USH1C: variants seen among roughly 807,000 people sequenced by gnomAD.
USH1C encodes the protein harmonin.
USH1C carries 90 observed loss-of-function variants against 119.3 expected under a neutral mutation model. The ratio of observed to expected loss-of-function variants is 0.75; its 90% CI spans 0.64 to 0.90. The LOEUF (loss-of-function observed/expected upper bound fraction) is 0.90, where lower values mean the gene tolerates loss of function less well. USH1C is among the 40% of genes least tolerant of loss of function. The pLI, the probability that USH1C is intolerant of heterozygous loss-of-function variation, is 0.00. For synonymous variants in USH1C, 465 were observed against 443.3 expected, an observed-to-expected ratio of 1.05 and a Z score of -0.62; for missense variants, 1,165 against 1,167.7, an observed-to-expected ratio of 1.00 and a Z score of 0.03.
chr11:17,496,798 C>A lies in USH1C; in HGVS notation c.2506G>T (p.Val836Leu). The A allele has an allele frequency of 6.2e-7, 1 of 1,614,218 alleles. No individual in the cohort carries two copies. The highest frequency in any genetic ancestry group is 8.5e-7 in the Non-Finnish European group (1 of 1,180,024). The stretch of plus-strand genomic sequence containing the variant: ...TCCTTTGGGGGGCAGACGGCAACCA[C>A]AAGGTCGATCCAGTCCTGTGGGGAG... ...WNQGGDWIDL[V>L]VAVCPPKEYD... Residue 836 changes from valine to leucine, a missense_variant, in exon 25 of 27, where the codon GTG becomes TTG. Val to Leu is a conservative substitution (Grantham distance 32). Coordinates refer to ENST00000005226, the MANE Select transcript of USH1C (RefSeq NM_153676.4).
intron 15 of USH1C, among the ~76,000 whole-genome samples, chr11:17,513,792 G>A (rs1010919486): frequency 6.6e-6 from 1 of 151,520 alleles, no homozygotes; most frequent in Non-Finnish European, 1.5e-5. Flanking sequence ...GGACCACCAC[G>A]AGAATAATGG....
Position 17,494,108 on chromosome 11 carries a change from ATCT to A in USH1C, c.*221_*223del, listed in dbSNP as rs1040345135. The A allele has an allele frequency of 2.0e-5, 12 of 594,626 alleles. No homozygotes were observed. Among genetic ancestry groups the A allele is most frequent in the Admixed American group, 2.7e-5 (1 of 36,372 alleles). The allele number at this position is 594,626 out of a possible 1,614,324, so 36.8% of individuals were successfully genotyped here. A position where few individuals can be genotyped will look rare whatever the true frequency, so the allele number is the denominator to read the frequency against. On this transcript the variant is annotated 3_prime_UTR_variant, in exon 27 of 27. Coordinates refer to ENST00000005226, the MANE Select transcript of USH1C (RefSeq NM_153676.4). Reference sequence around the variant, plus strand: ...AGGAATGAGAGTCTGGATCCTTGAGATCTTCTCCCAAATGGCTGGCTGCTCCCT... The same window carrying A: ...AGGAATGAGAGTCTGGATCCTTGAGATCTCCCAAATGGCTGGCTGCTCCCT...
chr11:17,528,995 C>G (rs963361548), intron 4 of USH1C, among the ~76,000 whole-genome samples: 8 of 152,206 alleles, frequency 5.3e-5, no homozygotes, highest in African/African-American at 1.9e-4. Context: ...CAATAGTAAA[C>G]AGTGTCGTGG....
chr11:17,504,536 TG>T, intron 20 of USH1C, 110 bp downstream of exon 20: 1 of 1,213,178 alleles, frequency 8.2e-7, no homozygotes, highest in Non-Finnish European at 1.2e-6. Context: ...TGGTGGCAGA[TG>T]GGGCCACCAT....
At position 17,496,978 on chromosome 11, in the gene USH1C, G is replaced by T. The variant is rs2072230; in HGVS notation, c.2491-165C>A. 261,586 of 680,874 alleles carry T rather than the reference G, an allele frequency of 0.38. 51,721 individuals are homozygous for T. Among genetic ancestry groups the T allele is most frequent in the Admixed American group, 0.45 (15,992 of 35,346 alleles). The allele number at this position is 680,874 out of a possible 1,614,324, so 42.2% of individuals were successfully genotyped here. A position where few individuals can be genotyped will look rare whatever the true frequency, so the allele number is the denominator to read the frequency against. ...ACTGTGACTTCCATGGTCTGAGGAC[G>T]TTTCTAGTCTCTGAGGCTTCGGGAC... is the stretch of plus-strand genomic sequence containing the variant. On this transcript the variant is annotated intron_variant, in intron 24 of 26. Coordinates refer to ENST00000005226, the MANE Select transcript of USH1C (RefSeq NM_153676.4).
At chr11:17,518,626 CT>C (rs1228658357) in intron 14 of USH1C, among the ~76,000 whole-genome samples, 2 of 152,194 alleles carry the variant, frequency 1.3e-5, no homozygotes, top group African/African-American at 4.8e-5. Flanking sequence ...TAAGGGCCCC[CT>C]GGGGCAGGTT....
chr11:17,535,155 G>A (rs115734308), intron 1 of USH1C, among the ~76,000 whole-genome samples: 83 of 152,288 alleles, frequency 5.5e-4, no homozygotes, highest in African/African-American at 2.0e-3. Context: ...AATTAGATAT[G>A]TTGCTTGCTT....
chr11:17,531,173 G>T lies in USH1C; in HGVS notation c.368C>A (p.Ala123Glu). The T allele has an allele frequency of 3.7e-6, 6 of 1,614,110 alleles. No homozygotes were observed. Among genetic ancestry groups the T allele is most frequent in the Non-Finnish European group, 5.1e-6 (6 of 1,180,020 alleles). The change falls in exon 4 of 27, where the codon GCA becomes GAA. Residue 123 changes from alanine (A) to glutamate (E), a missense_variant. By Grantham distance (107) the Ala-to-Glu change is moderately radical. Transcript: ENST00000005226. The surrounding 1 kb of genome is among the most constrained non-coding windows in gnomAD (Gnocchi z 4.2). ...FISHLIKGGQ[A>E]DSVGLQVGDE... Reference sequence around the variant, plus strand: ...GCTCACCTGGAGCCCGACGCTGTCTGCCTGACCGCCTTTGATGAGGTGGGA... The same window carrying T: ...GCTCACCTGGAGCCCGACGCTGTCTTCCTGACCGCCTTTGATGAGGTGGGA...
chr11:17,511,146 T>C (rs1461729850), intron 16 of USH1C, among the ~76,000 whole-genome samples: 1 of 152,342 alleles, frequency 6.6e-6, no homozygotes, highest in East Asian at 1.9e-4. Flanking sequence ...GTAAGGTTGC[T>C]TTGGACATGT....
At chr11:17,523,029 A>T in intron 11 of USH1C, 103 bp from the exon 12 acceptor site, 1 of 1,589,218 alleles carries the variant, frequency 6.3e-7, no homozygotes, top group Non-Finnish European at 8.6e-7. Flanking sequence ...CAGCACCATC[A>T]GGCACTGCGG....
At chr11:17,515,947 C>T (rs943111505) in intron 15 of USH1C, among the ~76,000 whole-genome samples, 5 of 152,210 alleles carry the variant, frequency 3.3e-5, no homozygotes, top group East Asian at 1.9e-4. Context: ...CAGAGAAACA[C>T]AGGAGAAGCT....
Position 17,504,543 on chromosome 11 carries a change from A to G in USH1C, c.2184+104T>C. On this transcript the variant is annotated intron_variant, in intron 20 of 26. Transcript: ENST00000005226. Reference sequence around the variant, plus strand: ...CTGAGGCTTGGTGGCAGATGGGGCCACCATGGACCTGACCAGGTACTCCCA... The same window carrying G: ...CTGAGGCTTGGTGGCAGATGGGGCCGCCATGGACCTGACCAGGTACTCCCA... 2.3e-6 allele frequency: 3 copies of G among 1,304,180 alleles called. No homozygotes were observed. The South Asian group carries it at 3.6e-5, about 15-fold the overall frequency. The allele number at this position is 1,304,180 out of a possible 1,614,324, so 80.8% of individuals were successfully genotyped here. A position where few individuals can be genotyped will look rare whatever the true frequency, so the allele number is the denominator to read the frequency against.
rs113642291 is a variant in USH1C at position 17,529,940 on chromosome 11, C to T, written c.387+1214G>A. Among the ~76,000 whole-genome samples, 355 of 152,340 alleles carry T rather than the reference C, an allele frequency of 2.3e-3. 3 individuals carry two copies. The highest frequency in any genetic ancestry group is 7.9e-3 in the African/African-American group (327 of 41,572). On this transcript the variant is annotated intron_variant, in intron 4 of 26. Transcript: ENST00000005226. ...CTGGAAAAAAGGCGGCCTCAGCTGA[C>T]GCCAAGAGAGGCGCTCATTATGTGT...
At position 17,523,828 on chromosome 11, in the gene USH1C, A is replaced by G. The variant is rs549676406; in HGVS notation, c.760-350T>C. On this transcript the variant is annotated intron_variant, in intron 9 of 26. Coordinates refer to ENST00000005226, the MANE Select transcript of USH1C (RefSeq NM_153676.4). The stretch of plus-strand genomic sequence containing the variant: ...TTAGCACAGGCTGTGTTGAATCGTC[A>G]TAACAGAATAGCTAACATTCACTGA... 2.6e-5 allele frequency among the ~76,000 whole-genome samples: 4 copies of G among 152,392 alleles called. No homozygotes were observed. The East Asian group carries it at 5.8e-4, about 22-fold the overall frequency.
At chr11:17,525,342 T>C (rs112398638) in intron 8 of USH1C, among the ~76,000 whole-genome samples, 3,854 of 152,322 alleles carry the variant, frequency 0.025, 171 homozygotes, top group African/African-American at 0.087. Context: ...CCCAGAAAGG[T>C]GGGACTTTTT....
intron 22 of USH1C, 69 bp from the exon 23 acceptor site, chr11:17,501,219 A>T: frequency 7.6e-7 from 1 of 1,323,578 alleles, no homozygotes; most frequent in East Asian, 2.5e-5. Flanking sequence ...GGCACCAAGG[A>T]GTCTCTTGAC....
intron 4 of USH1C, among the ~76,000 whole-genome samples, chr11:17,528,754 G>A (rs928569221): frequency 4.6e-5 from 7 of 152,148 alleles, no homozygotes; most frequent in Non-Finnish European, 4.4e-5. Flanking sequence ...ACAGACCCCA[G>A]TCTTCTCAGG....
chr11:17,516,232 C>G lies in USH1C; in HGVS notation c.1260+9G>C, dbSNP rs774739025. ...CAGCACACCAGCACAGCACCCAACCCTGTCCTACCTTCCGGATGGTTGGGA... is the reference window on the plus strand; with the variant it reads ...CAGCACACCAGCACAGCACCCAACCGTGTCCTACCTTCCGGATGGTTGGGA... On this transcript the variant is annotated intron_variant, in intron 15 of 26. Transcript: ENST00000005226. 6.2e-7 allele frequency: 1 copy of G among 1,613,758 alleles called. No individual in the cohort carries two copies. The highest frequency in any genetic ancestry group is 1.1e-5 in the South Asian group (1 of 90,840).
intron 24 of USH1C, 82 bp downstream of exon 24, chr11:17,498,080 C>T (rs889182557): frequency 7.8e-7 from 1 of 1,287,416 alleles, no homozygotes; most frequent in African/African-American, 1.5e-5. Flanking sequence ...AATGAGGCAT[C>T]CTATTGTGAG....
Sources: allele counts gnomAD v4.1 joint callset (sites outside exome capture counted in the v4.1 genomes callset), GRCh38; gene constraint gnomAD v4.1.1; non-coding constraint Gnocchi (gnomAD v3.1); transcripts MANE v1.5; gene names NCBI Gene and HGNC (gene_info 2026-07-23, HGNC 2026-07-21).